The following SGK3 variants were observed in gnomAD, a reference collection of about 807,000 sequenced individuals.
The protein encoded by SGK3 is serine/threonine-protein kinase Sgk3.
Under a neutral mutation model 68.5 loss-of-function variants are expected in SGK3, and 47 were observed. That is an observed-to-expected ratio of 0.69 (90% CI 0.54 to 0.87). The LOEUF (loss-of-function observed/expected upper bound fraction) is 0.87. Ranked by LOEUF, SGK3 falls within the 40% of genes least tolerant of loss-of-function variation. The pLI is 0.00. For synonymous variants in SGK3, 181 were observed against 189.1 expected, an observed-to-expected ratio of 0.96 and a Z score of 0.35; for missense variants, 479 against 575.5, an observed-to-expected ratio of 0.83 and a Z score of 1.72.
chr8:66,774,814 A>T (rs183318862), intron 1 of SGK3, among the ~76,000 whole-genome samples: 16 of 151,996 alleles, frequency 1.1e-4, no homozygotes, highest in Non-Finnish European at 1.9e-4. Context: ...TCACGCCTGG[A>T]GCCCTGAATT....
intron 4 of SGK3, among the ~76,000 whole-genome samples, chr8:66,809,398 G>A (rs1354733673): frequency 1.3e-5 from 2 of 152,212 alleles, no homozygotes; most frequent in African/African-American, 4.8e-5. Context: ...AGCTATTTAG[G>A]ATGACTGAAG....
intron 4 of SGK3, among the ~76,000 whole-genome samples, chr8:66,810,982 T>A (rs1808359756): frequency 6.6e-6 from 1 of 152,180 alleles, no homozygotes; most frequent in South Asian, 2.1e-4. Flanking sequence ...AACGACTTTT[T>A]AATAGGATGC....
At chr8:66,735,473 A>C (rs1805292354) in intron 1 of SGK3, among the ~76,000 whole-genome samples, 1 of 152,158 alleles carries the variant, frequency 6.6e-6, no homozygotes, top group Non-Finnish European at 1.5e-5. Flanking sequence ...TAAATTATAA[A>C]GCTTGGGTCC....
At chr8:66,791,496 C>T (rs1019360898) in intron 1 of SGK3, among the ~76,000 whole-genome samples, 1 of 152,152 alleles carries the variant, frequency 6.6e-6, no homozygotes, top group Non-Finnish European at 1.5e-5. Flanking sequence ...TCTTAGATGT[C>T]CCCGGGGTAC....
intron 15 of SGK3, among the ~76,000 whole-genome samples, chr8:66,849,516 G>T (rs1322107193): frequency 6.6e-6 from 1 of 151,764 alleles, no homozygotes; most frequent in Non-Finnish European, 1.5e-5. Flanking sequence ...GGTTACAGTG[G>T]TTGCTATTTT....
chr8:66,721,169 A>G (rs1804784122), intron 1 of SGK3, among the ~76,000 whole-genome samples: 2 of 152,158 alleles, frequency 1.3e-5, no homozygotes, highest in South Asian at 4.1e-4. Context: ...CTCCCTCTTC[A>G]CATACTAAAG....
chr8:66,834,367 T>C (rs1809421674), intron 8 of SGK3, among the ~76,000 whole-genome samples: 1 of 152,200 alleles, frequency 6.6e-6, no homozygotes. Flanking sequence ...ATCTGTGTTA[T>C]TTGAAGTTGA....
chr8:66,803,262 T>G (rs950303731), intron 3 of SGK3, among the ~76,000 whole-genome samples: 4 of 152,216 alleles, frequency 2.6e-5, no homozygotes, highest in African/African-American at 9.7e-5. Context: ...GTAAAGTGAT[T>G]AGTACATTCC....
intron 1 of SGK3, among the ~76,000 whole-genome samples, chr8:66,779,315 G>T (rs11988681): frequency 0.021 from 3,118 of 152,000 alleles, 109 homozygotes; most frequent in African/African-American, 0.07. Flanking sequence ...TTGTGACTCA[G>T]ATTAAAACTT....
chr8:66,751,772 T>TTATTTATG (rs1342597717), intron 1 of SGK3, among the ~76,000 whole-genome samples: 2 of 151,744 alleles, frequency 1.3e-5, no homozygotes, highest in Non-Finnish European at 2.9e-5. Context: ...ATTTATTTAT[T>TTATTTATG]TATTTATTTT....
intron 13 of SGK3, among the ~76,000 whole-genome samples, chr8:66,842,586 A>G (rs1377524926): frequency 6.6e-6 from 1 of 152,212 alleles, no homozygotes. Flanking sequence ...TGTAAAATTC[A>G]AGTTCACTGT....
intron 1 of SGK3, among the ~76,000 whole-genome samples, chr8:66,788,735 T>C (rs938219495): frequency 6.6e-6 from 1 of 152,230 alleles, no homozygotes; most frequent in Non-Finnish European, 1.5e-5. Flanking sequence ...TGGGATATCC[T>C]GGGTCAGACC....
At chr8:66,856,377 C>A (rs545944489) in intron 16 of SGK3, among the ~76,000 whole-genome samples, 1 of 152,204 alleles carries the variant, frequency 6.6e-6, no homozygotes, top group East Asian at 1.9e-4. Context: ...CGCTCTCACT[C>A]TTAATAAACC....
chr8:66,742,339 C>T (rs547901351), intron 1 of SGK3, among the ~76,000 whole-genome samples: 14 of 152,146 alleles, frequency 9.2e-5, no homozygotes, highest in African/African-American at 3.1e-4. Context: ...CATTTCTAGT[C>T]ACATGTTATA....
intron 1 of SGK3, among the ~76,000 whole-genome samples, chr8:66,719,892 C>G (rs1433226585): frequency 1.3e-5 from 2 of 152,154 alleles, no homozygotes; most frequent in Non-Finnish European, 2.9e-5. Flanking sequence ...GTATATCCTT[C>G]TAGGCTTTTA....
At chr8:66,744,023 C>G (rs967070645) in intron 1 of SGK3, among the ~76,000 whole-genome samples, 2 of 152,188 alleles carry the variant, frequency 1.3e-5, no homozygotes, top group South Asian at 4.1e-4. Context: ...CTTACCTGGG[C>G]TGGATCCTTT....
chr8:66,769,978 G>A (rs1170322064), intron 1 of SGK3, among the ~76,000 whole-genome samples: 1 of 152,158 alleles, frequency 6.6e-6, no homozygotes, highest in East Asian at 1.9e-4. Context: ...TTTTGAGACG[G>A]AGCCTCGCTC....
chr8:66,763,910 C>T (rs866696974), intron 1 of SGK3, among the ~76,000 whole-genome samples: 43 of 152,292 alleles, frequency 2.8e-4, no homozygotes, highest in Admixed American at 2.6e-4. Flanking sequence ...TGCTCTGTTG[C>T]CCAGACTGGA....
chr8:66,834,813 G>A (rs986556255), intron 8 of SGK3, among the ~76,000 whole-genome samples: 31 of 151,842 alleles, frequency 2.0e-4, no homozygotes, highest in Non-Finnish European at 3.4e-4. Flanking sequence ...GGTGGTGGGC[G>A]CCTGTAGTCC....
Sources: gnomAD v4.1 joint callset for allele counts (sites outside exome capture counted in the v4.1 genomes callset) on GRCh38, gnomAD v4.1.1 for gene constraint, MANE v1.5 for transcripts, NCBI Gene and HGNC (gene_info 2026-07-23, HGNC 2026-07-21) for gene names.